The following SGSM2 variants were observed in gnomAD, a reference collection of about 807,000 sequenced individuals.
The protein encoded by SGSM2 is small G protein signaling modulator 2, also known as RUN and TBC1 domain containing 1.
Under a neutral mutation model 126.6 loss-of-function variants are expected in SGSM2, and 89 were observed. The ratio of observed to expected loss-of-function variants is 0.70; its 90% CI spans 0.59 to 0.84. SGSM2 has a LOEUF of 0.84. SGSM2 is among the 40% of genes least tolerant of loss of function. The pLI is 0.00. For missense variants in SGSM2, 1,404 were observed against 1,416.6 expected, an observed-to-expected ratio of 0.99 and a Z score of 0.14; for synonymous variants, 614 against 574.3, an observed-to-expected ratio of 1.07 and a Z score of -0.99.
Position 2,363,397 on chromosome 17 carries a change from CG to C in SGSM2, c.673-67del. ...CAGCTGGAGAGGGTCAGCATGGAAG[CG>C]TGAGGGTTCCCAAGCCTTGAGGCCA... On this transcript the variant is annotated intron_variant, in intron 6 of 23. Transcript: ENST00000268989. This position sits in a 1 kb window ranked among gnomAD's most constrained non-coding sequence, Gnocchi z 4.2. The C allele has an allele frequency of 1.9e-6, 3 of 1,600,576 alleles. No homozygotes were observed. Among genetic ancestry groups the C allele is most frequent in the Non-Finnish European group, 2.5e-6 (3 of 1,176,680 alleles).
chr17:2,339,495 C>CG (rs2064251668), intron 1 of SGSM2, among the ~76,000 whole-genome samples: 1 of 151,522 alleles, frequency 6.6e-6, no homozygotes, highest in Admixed American at 6.6e-5. Context: ...GAGGCTGGGA[C>CG]GGGCGGATCA....
At chr17:2,358,395 T>C (rs1018196775) in intron 2 of SGSM2, among the ~76,000 whole-genome samples, 1 of 152,142 alleles carries the variant, frequency 6.6e-6, no homozygotes, top group Non-Finnish European at 1.5e-5. Context: ...TTAGTGACAA[T>C]GCCTGGGTTT....
At chr17:2,369,523 C>G (rs1351143920) in intron 12 of SGSM2, among the ~76,000 whole-genome samples, 2 of 152,190 alleles carry the variant, frequency 1.3e-5, no homozygotes, top group East Asian at 3.9e-4. Flanking sequence ...CACCCAGTCA[C>G]GCCATAGCCC....
intron 2 of SGSM2, among the ~76,000 whole-genome samples, chr17:2,358,966 C>A (rs2065198632): frequency 6.6e-6 from 1 of 150,772 alleles, no homozygotes; most frequent in African/African-American, 2.5e-5. Context: ...CAACCTCTGC[C>A]TCCCAGGTTC....
chr17:2,372,907 C>A lies in SGSM2; in HGVS notation c.1789-46C>A. 1 of 1,545,010 alleles carries A rather than the reference C, an allele frequency of 6.5e-7. No homozygotes were observed. The highest frequency in any genetic ancestry group is 8.7e-7 in the Non-Finnish European group (1 of 1,143,020). On this transcript the variant is annotated intron_variant, in intron 15 of 23. Coordinates refer to ENST00000268989, the MANE Select transcript of SGSM2 (RefSeq NM_014853.3). This position sits in a 1 kb window ranked among gnomAD's most constrained non-coding sequence, Gnocchi z 6.0. ...GGATGGGGCTCACCCAGCTGGGCCA[C>A]GGTGACTGTGGAGGCTGCACAGTCT...
chr17:2,341,034 C>T (rs1225788075), intron 1 of SGSM2, among the ~76,000 whole-genome samples: 2 of 152,234 alleles, frequency 1.3e-5, no homozygotes, highest in Non-Finnish European at 2.9e-5. Context: ...TCCCCATCAG[C>T]CTGCTTCAGA....
intron 12 of SGSM2, among the ~76,000 whole-genome samples, chr17:2,368,006 G>C (rs1484089082): frequency 6.6e-6 from 1 of 152,196 alleles, no homozygotes; most frequent in Non-Finnish European, 1.5e-5. Context: ...TCCAGGAAGG[G>C]GCCAGGCTCA....
At chr17:2,370,262 C>T (rs1324249285) in intron 12 of SGSM2, among the ~76,000 whole-genome samples, 1 of 152,262 alleles carries the variant, frequency 6.6e-6, no homozygotes, top group Non-Finnish European at 1.5e-5. Context: ...CCAGTGCTTC[C>T]ACTTCCTCTC....
At position 2,364,094 on chromosome 17, in the gene SGSM2, C is replaced by T; in HGVS notation, c.843C>T (p.Ser281=). ...TGGAGGCGGTCCCTGGCTACCTCTC[C>T]CTGCACCAGTCTGCAGAGAGCCTGA... ...EDMEAVPGYL[S]LHQSAESLTL... is the part of the protein sequence containing the mutation. Residue 281 remains serine, a synonymous_variant, in exon 8 of 24, where the codon TCC becomes TCT. Transcript: ENST00000268989. 2.5e-6 allele frequency: 4 copies of T among 1,614,012 alleles called. No homozygotes were observed. The highest frequency in any genetic ancestry group is 3.4e-6 in the Non-Finnish European group (4 of 1,179,976).
At chr17:2,358,558 A>T (rs2151543850) in intron 2 of SGSM2, among the ~76,000 whole-genome samples, 1 of 152,220 alleles carries the variant, frequency 6.6e-6, no homozygotes, top group East Asian at 1.9e-4. Context: ...AAAAATTTTT[A>T]AAAATTAGCC....
chr17:2,375,710 C>T lies in SGSM2; in HGVS notation c.2319C>T (p.Ser773=), dbSNP rs150998669. 1,745 of 1,611,792 alleles carry T rather than the reference C, an allele frequency of 1.1e-3. 25 individuals carry two copies. The African/African-American group carries it at 0.019, about 17-fold the overall frequency. The part of the protein sequence containing the change: ...GIQSSLDEGQ[S]VGFEEEDGGG... ...AGTCAAGCCTAGATGAGGGGCAGAG[C>T]GTGGGCTTCGAAGAGGAGGACGGCG... Residue 773 remains serine (S), a synonymous_variant, in exon 18 of 24, where the codon AGC becomes AGT. Transcript: ENST00000268989.
chr17:2,364,855 C>T (rs374024894), intron 9 of SGSM2, 42 bp from the exon 10 acceptor site: 52 of 1,595,224 alleles, frequency 3.3e-5, no homozygotes, highest in African/African-American at 6.7e-5. Flanking sequence ...GTGTGATAGC[C>T]GACGAGAGGG....
intron 17 of SGSM2, 103 bp from the exon 18 acceptor site, chr17:2,375,389 G>A: frequency 4.3e-6 from 6 of 1,399,292 alleles, no homozygotes; most frequent in East Asian, 2.3e-5. Flanking sequence ...GGGAGAGGGG[G>A]TGTGAAGAGT....
Position 2,376,147 on chromosome 17 carries a change from T to C in SGSM2, c.2495T>C (p.Leu832Pro), listed in dbSNP as rs148396697. The C allele has an allele frequency of 2.5e-6, 4 of 1,614,104 alleles. No individual in the cohort carries two copies. The highest frequency in any genetic ancestry group is 3.4e-6 in the Non-Finnish European group (4 of 1,180,014). The change falls in exon 19 of 24, where the codon CTG becomes CCG. Residue 832 changes from leucine to proline, a missense_variant. Coordinates refer to ENST00000268989, the MANE Select transcript of SGSM2 (RefSeq NM_014853.3). The stretch of plus-strand genomic sequence containing the variant: ...CCTCCACTCTTCCAGATAGAATTAC[T>C]GGACACTGTGGCCTTAAACCTGCAC... ...VCAAAYTIEL[L>P]DTVALNLHRI... is the part of the protein sequence containing the mutation.
rs747781741 is a variant in SGSM2, at chr17:2,380,214, T to G, written c.*694T>G. On this transcript the variant is annotated 3_prime_UTR_variant, in exon 24 of 24. Coordinates refer to ENST00000268989, the MANE Select transcript of SGSM2 (RefSeq NM_014853.3). ...CCCGGCCTTGTACAGTGTACCTCTG[T>G]GTATCTGTACAGCCTCGCTCCTGCC... is the stretch of plus-strand genomic sequence containing the variant. 1 of 1,534,442 alleles carries G rather than the reference T, an allele frequency of 6.5e-7. No individual in the cohort carries two copies. The highest frequency in any genetic ancestry group is 1.2e-5 in the South Asian group (1 of 83,990).
intron 1 of SGSM2, among the ~76,000 whole-genome samples, chr17:2,343,253 C>T (rs2064457091): frequency 6.6e-6 from 1 of 152,142 alleles, no homozygotes; most frequent in African/African-American, 2.4e-5. Context: ...AACAGATGAG[C>T]AAACAGCATC....
chr17:2,344,212 C>A (rs1013679442), intron 2 of SGSM2, among the ~76,000 whole-genome samples: 1 of 152,178 alleles, frequency 6.6e-6, no homozygotes, highest in South Asian at 2.1e-4. Flanking sequence ...TGTGGCCAAG[C>A]CTTCCAGCCC....
chr17:2,377,486 A>AAAAAAAAAAAAACGAAAGAAAAG (rs1418295261), intron 21 of SGSM2: 1 of 174,302 alleles, frequency 5.7e-6, no homozygotes, highest in African/African-American at 2.6e-5. Context: ...TCTGTCTCAA[A>AAAAAAAAAAAAACGAAAGAAAAG]AAAAAAAAAA....
rs777160477 is a variant in SGSM2, at chr17:2,373,356, A to G, written c.1943A>G (p.Tyr648Cys). ...GTGGACGCAGTGGTGGCAGCAAGGT[A>G]CCAGCAGGTGTTGGCAGAGTGGAAG... Reference protein sequence around the residue: ...EQVDAVVAARYQQVLAEWKAC... With the variant: ...EQVDAVVAARCQQVLAEWKAC... The change falls in exon 17 of 24, where the codon TAC (tyrosine) becomes TGC (cysteine). Residue 648 changes from tyrosine (Y) to cysteine (C), a missense_variant. Tyr to Cys is a radical substitution (Grantham distance 194). Transcript: ENST00000268989. 1.2e-6 allele frequency: 2 copies of G among 1,612,744 alleles called. No individual in the cohort carries two copies. The highest frequency in any genetic ancestry group is 4.5e-5 in the East Asian group (2 of 44,796).
Sources: gnomAD v4.1 joint callset for allele counts (sites outside exome capture counted in the v4.1 genomes callset) on GRCh38, gnomAD v4.1.1 for gene constraint, Gnocchi (gnomAD v3.1) non-coding constraint, MANE v1.5 for transcripts, NCBI Gene and HGNC (gene_info 2026-07-23, HGNC 2026-07-21) for gene names.